The following DPYD variants were observed in gnomAD, a reference collection of about 807,000 sequenced individuals.
DPYD encodes dihydropyrimidine dehydrogenase [NADP(+)].
DPYD carries 109 observed loss-of-function variants against 116.2 expected under a neutral mutation model. The ratio of observed to expected loss-of-function variants is 0.94; its 90% confidence interval spans 0.80 to 1.10. DPYD has a LOEUF of 1.10. Among genes scored for constraint, DPYD ranks in the 50% least tolerant of loss-of-function variants. The pLI is 0.00. For synonymous variants in DPYD, 440 were observed against 432.0 expected, an observed-to-expected ratio of 1.02 and a Z score of -0.23; for missense variants, 1,302 against 1,254.5, an observed-to-expected ratio of 1.04 and a Z score of -0.57.
chr1:97,699,324 T>C (rs760825810), intron 6 of DPYD, 27 bp downstream of exon 6: 11 of 1,604,258 alleles, frequency 6.9e-6, no homozygotes, highest in Non-Finnish European at 5.1e-6. Context: ...TCTGACACTA[T>C]AAACATGAAA....
chr1:97,627,409 C>T (rs1004054985), intron 8 of DPYD, among the ~76,000 whole-genome samples: 3 of 151,962 alleles, frequency 2.0e-5, no homozygotes, highest in Non-Finnish European at 4.4e-5. Flanking sequence ...CTGATGCTAC[C>T]GCCTAATCCC....
At chr1:97,670,435 C>G (rs1486431941) in intron 8 of DPYD, among the ~76,000 whole-genome samples, 1 of 152,146 alleles carries the variant, frequency 6.6e-6, no homozygotes, top group Non-Finnish European at 1.5e-5. Context: ...GAAGAAACGT[C>G]AGAGGTCTTT....
At chr1:97,760,022 G>C (rs552167144) in intron 3 of DPYD, among the ~76,000 whole-genome samples, 1 of 152,280 alleles carries the variant, frequency 6.6e-6, no homozygotes, top group East Asian at 1.9e-4. Flanking sequence ...CTTTTGGGAT[G>C]AATCTTAAAG....
At chr1:97,539,257 AT>A (rs35589952) in intron 12 of DPYD, among the ~76,000 whole-genome samples, 5 of 151,792 alleles carry the variant, frequency 3.3e-5, no homozygotes, top group African/African-American at 1.2e-4. Flanking sequence ...ATGTACTCAA[AT>A]TTTTTTTAAA....
At chr1:97,119,515 T>C (rs187690721) in intron 20 of DPYD, among the ~76,000 whole-genome samples, 1 of 152,178 alleles carries the variant, frequency 6.6e-6, no homozygotes. Flanking sequence ...TGGGTGAACA[T>C]GGGCCCTATC....
chr1:97,197,241 C>T (rs1275875606), intron 19 of DPYD, among the ~76,000 whole-genome samples: 1 of 152,046 alleles, frequency 6.6e-6, no homozygotes, highest in Non-Finnish European at 1.5e-5. Flanking sequence ...TTTCTCACAA[C>T]AATTATAAGG....
chr1:97,166,767 C>T (rs1570588161), intron 20 of DPYD, among the ~76,000 whole-genome samples: 1 of 152,078 alleles, frequency 6.6e-6, no homozygotes, highest in Non-Finnish European at 1.5e-5. Context: ...GGTATAAATG[C>T]TTTTATGTGC....
chr1:97,139,063 T>C (rs924220951), intron 20 of DPYD, among the ~76,000 whole-genome samples: 3 of 152,220 alleles, frequency 2.0e-5, no homozygotes. Context: ...AAAAGAAGTC[T>C]GCCAGAATTG....
chr1:97,824,109 TA>T (rs1432275557), intron 3 of DPYD, among the ~76,000 whole-genome samples: 2 of 152,144 alleles, frequency 1.3e-5, no homozygotes, highest in Non-Finnish European at 2.9e-5. Flanking sequence ...ACAATCACAT[TA>T]AAAGATGTCA....
intron 2 of DPYD, among the ~76,000 whole-genome samples, chr1:97,851,189 A>G (rs1670549757): frequency 1.3e-5 from 2 of 151,604 alleles, no homozygotes; most frequent in African/African-American, 4.8e-5. Context: ...ACTTTTATAC[A>G]CTATGATAAG....
At chr1:97,144,715 A>G (rs1265556702) in intron 20 of DPYD, among the ~76,000 whole-genome samples, 1 of 152,230 alleles carries the variant, frequency 6.6e-6, no homozygotes, top group Non-Finnish European at 1.5e-5. Context: ...CCAACTATTC[A>G]GAGTCACATG....
At chr1:97,385,268 A>AGG (rs1173783422) in intron 14 of DPYD, among the ~76,000 whole-genome samples, 1 of 116,440 alleles carries the variant, frequency 8.6e-6, no homozygotes, top group Non-Finnish European at 1.6e-5. Context: ...CTCTTGGTGT[A>AGG]GGCATTCCTT....
chr1:97,177,903 G>C (rs1034446852), intron 20 of DPYD, among the ~76,000 whole-genome samples: 7 of 151,980 alleles, frequency 4.6e-5, no homozygotes, highest in Admixed American at 2.0e-4. Context: ...TGGTATCTGG[G>C]GGCGGCCTGC....
chr1:97,700,622 C>G (rs1661544805), intron 5 of DPYD, among the ~76,000 whole-genome samples: 1 of 151,964 alleles, frequency 6.6e-6, no homozygotes, highest in Non-Finnish European at 1.5e-5. Flanking sequence ...ATAAGTCAAC[C>G]ACAGTTTCTA....
At chr1:97,203,231 T>A (rs1659334053) in intron 19 of DPYD, among the ~76,000 whole-genome samples, 1 of 152,096 alleles carries the variant, frequency 6.6e-6, no homozygotes, top group Non-Finnish European at 1.5e-5. Context: ...TTGTGCATGC[T>A]CAGCACCTCT....
intron 18 of DPYD, among the ~76,000 whole-genome samples, chr1:97,247,616 TAA>T (rs1662805136): frequency 6.6e-6 from 1 of 152,098 alleles, no homozygotes; most frequent in African/African-American, 2.4e-5. Context: ...TAAAATAGAA[TAA>T]TCTATGTAAA....
At chr1:97,463,852 G>A (rs986811634) in intron 13 of DPYD, among the ~76,000 whole-genome samples, 4 of 152,172 alleles carry the variant, frequency 2.6e-5, no homozygotes, top group Non-Finnish European at 5.9e-5. Context: ...TCTGGCAGAA[G>A]AAAGTTCTAA....
chr1:97,697,688 A>C (rs1661381539), intron 6 of DPYD, among the ~76,000 whole-genome samples: 1 of 152,086 alleles, frequency 6.6e-6, no homozygotes, highest in African/African-American at 2.4e-5. Flanking sequence ...TCACTAAAAA[A>C]ATGTTCAGCA....
intron 4 of DPYD, 116 bp from the exon 5 acceptor site, chr1:97,721,787 T>C (rs1662940943): frequency 6.1e-6 from 6 of 978,998 alleles, no homozygotes; most frequent in Non-Finnish European, 7.7e-6. Context: ...ATGATGTGTA[T>C]AAGATGCATA....
Sources: allele counts gnomAD v4.1 joint callset (sites outside exome capture counted in the v4.1 genomes callset), GRCh38; gene constraint gnomAD v4.1.1; transcripts MANE v1.5; gene names NCBI Gene and HGNC (gene_info 2026-07-23, HGNC 2026-07-21).